The following SEPTIN14 variants were observed in gnomAD, a reference collection of about 807,000 sequenced individuals.
SEPTIN14 encodes the protein septin-14.
SEPTIN14 carries 40 observed loss-of-function variants against 53.6 expected under a neutral mutation model. The ratio of observed to expected loss-of-function variants is 0.75; its 90% CI spans 0.58 to 0.97. The LOEUF (loss-of-function observed/expected upper bound fraction) is 0.97. Ranked by LOEUF, SEPTIN14 falls within the 50% of genes least tolerant of loss-of-function variation. The pLI, the probability that SEPTIN14 is intolerant of heterozygous loss-of-function variation, is 0.00. For synonymous variants in SEPTIN14, 138 were observed against 166.8 expected, an observed-to-expected ratio of 0.83 and a Z score of 1.33; for missense variants, 471 against 508.2, an observed-to-expected ratio of 0.93 and a Z score of 0.70.
At position 55,843,010 on chromosome 7, in the gene SEPTIN14, A is replaced by G; in HGVS notation, c.490T>C (p.Phe164Leu). 1.3e-6 allele frequency: 2 copies of G among 1,581,514 alleles called. No individual in the cohort carries two copies. Among genetic ancestry groups the G allele is most frequent in the Non-Finnish European group, 1.7e-6 (2 of 1,163,316 alleles). ...AGGGAATGTCCTGTAGGTGAAATGAAGTAAAGACACACGTGGACGCGAGAA... is the reference window on the plus strand; with the variant it reads ...AGGGAATGTCCTGTAGGTGAAATGAGGTAAAGACACACGTGGACGCGAGAA... Reference protein sequence around the residue: ...HDSRVHVCLYFISPTGHSLKS... With the variant: ...HDSRVHVCLYLISPTGHSLKS... The change falls in exon 5 of 10, where the codon TTC (phenylalanine) becomes CTC (leucine). Residue 164 changes from phenylalanine to leucine, a missense_variant. By Grantham distance (22) the Phe-to-Leu change is conservative (BLOSUM62 0). Coordinates refer to ENST00000388975, the MANE Select transcript of SEPTIN14 (RefSeq NM_207366.3).
chr7:55,794,090 T>C lies in SEPTIN14; in HGVS notation c.*1823A>G, dbSNP rs752151744. The C allele has an allele frequency of 6.6e-6, 1 of 152,150 alleles. No individual in the cohort carries two copies. The highest frequency in any genetic ancestry group is 1.5e-5 in the Non-Finnish European group (1 of 68,006). The allele number at this position is 152,150 out of a possible 1,614,324, so 9.4% of individuals were successfully genotyped here. ...TGCCTTATAGTATCATATAATATCATGTTTTATAGCTCTTGGAAAATAGAA... is the reference window on the plus strand; with the variant it reads ...TGCCTTATAGTATCATATAATATCACGTTTTATAGCTCTTGGAAAATAGAA... On this transcript the variant is annotated 3_prime_UTR_variant, in exon 10 of 10. Transcript: ENST00000388975.
chr7:55,849,213 T>A (rs567919081), intron 2 of SEPTIN14, among the ~76,000 whole-genome samples: 1 of 150,952 alleles, frequency 6.6e-6, no homozygotes, highest in Admixed American at 6.6e-5. Flanking sequence ...TAATCCCAGC[T>A]ACTCGGGAGG....
At chr7:55,840,745 A>G (rs1789295906) in intron 5 of SEPTIN14, among the ~76,000 whole-genome samples, 1 of 152,178 alleles carries the variant, frequency 6.6e-6, no homozygotes, top group Admixed American at 6.6e-5. Flanking sequence ...TATTAACAGA[A>G]AAAGATAATT....
intron 4 of SEPTIN14, 49 bp from the exon 5 acceptor site, chr7:55,843,177 G>A: frequency 1.6e-6 from 2 of 1,242,706 alleles, no homozygotes; most frequent in Non-Finnish European, 2.2e-6. Flanking sequence ...AAAATCTAAA[G>A]CCTGCTTTTT....
chr7:55,803,266 T>C (rs2115956543), intron 9 of SEPTIN14, among the ~76,000 whole-genome samples: 1 of 152,074 alleles, frequency 6.6e-6, no homozygotes, highest in Admixed American at 6.6e-5. Context: ...AAAGAAGACA[T>C]AAAAGGCAAA....
rs1040591472 is a variant in SEPTIN14 at position 55,826,923 on chromosome 7, A to G, written c.720+7502T>C. Among the ~76,000 whole-genome samples the G allele has an allele frequency of 3.3e-5, 5 of 152,044 alleles. No individual in the cohort carries two copies. In the East Asian group the frequency reaches 9.7e-4, roughly 29 times the overall value. On this transcript the variant is annotated intron_variant, in intron 6 of 9. Transcript: ENST00000388975. The stretch of plus-strand genomic sequence containing the variant: ...TCTGCCCTGGCACTGCTGTCACTTT[A>G]GCATTCTGCAGTTGCCTGAGCATTC...
At chr7:55,804,818 G>T (rs1788587621) in intron 9 of SEPTIN14, among the ~76,000 whole-genome samples, 1 of 152,006 alleles carries the variant, frequency 6.6e-6, no homozygotes, top group African/African-American at 2.4e-5. Context: ...ATTAGAAATG[G>T]CATGGAATAA....
chr7:55,813,846 C>T (rs1037479595), intron 7 of SEPTIN14, among the ~76,000 whole-genome samples: 1 of 152,170 alleles, frequency 6.6e-6, no homozygotes, highest in African/African-American at 2.4e-5. Flanking sequence ...CCCAGCAGGA[C>T]TCACCACCTG....
At position 55,795,148 on chromosome 7, in the gene SEPTIN14, G is replaced by A. The variant is rs1220007610; in HGVS notation, c.*765C>T. On this transcript the variant is annotated 3_prime_UTR_variant, in exon 10 of 10. Coordinates refer to ENST00000388975, the MANE Select transcript of SEPTIN14 (RefSeq NM_207366.3). ...AACTGTCAAGAAATTATCAGTAGTA[G>A]AACTTAAAAAGGAAAATAGGCCTAT... The A allele has an allele frequency of 1.3e-5, 2 of 152,060 alleles. No homozygotes were observed. Among genetic ancestry groups the A allele is most frequent in the East Asian group, 3.8e-4 (2 of 5,196 alleles). 9.4% of individuals were successfully genotyped at this position (152,060 alleles called of 1,614,324 possible).
intron 2 of SEPTIN14, among the ~76,000 whole-genome samples, chr7:55,851,439 C>T (rs1483899600): frequency 6.7e-6 from 1 of 150,308 alleles, no homozygotes; most frequent in Non-Finnish European, 1.5e-5. Flanking sequence ...CTTAACAAAA[C>T]ATTACCAATC....
At chr7:55,827,712 A>G (rs1789015774) in intron 6 of SEPTIN14, among the ~76,000 whole-genome samples, 1 of 152,230 alleles carries the variant, frequency 6.6e-6, no homozygotes, top group South Asian at 2.1e-4. Context: ...AGACCAGCCT[A>G]TCACCTGAAA....
chr7:55,835,231 G>T (rs4948079), intron 5 of SEPTIN14, among the ~76,000 whole-genome samples: 1 of 151,734 alleles, frequency 6.6e-6, no homozygotes. Flanking sequence ...GACAGAGTCT[G>T]GCTCTGTTGC....
At chr7:55,838,390 T>A (rs898626622) in intron 5 of SEPTIN14, among the ~76,000 whole-genome samples, 11 of 152,276 alleles carry the variant, frequency 7.2e-5, no homozygotes, top group African/African-American at 2.4e-4. Context: ...TATTTCACAG[T>A]ATCATATAGT....
chr7:55,811,103 T>C, intron 7 of SEPTIN14: 1 of 464,750 alleles, frequency 2.2e-6, no homozygotes, highest in Non-Finnish European at 4.2e-6. Flanking sequence ...ATGTCAGGGG[T>C]GTTTGAATAG....
chr7:55,828,833 C>T (rs529012465), intron 6 of SEPTIN14, among the ~76,000 whole-genome samples: 1 of 152,082 alleles, frequency 6.6e-6, no homozygotes, highest in South Asian at 2.1e-4. Flanking sequence ...CAGGTATTTT[C>T]CGAGCTTCTC....
chr7:55,805,418 T>C (rs1473895257), intron 8 of SEPTIN14, 28 bp from the exon 9 acceptor site: 14 of 1,506,684 alleles, frequency 9.3e-6, no homozygotes, highest in Non-Finnish European at 1.3e-5. Flanking sequence ...CTTAGTCTTA[T>C]ATTAAAATGA....
At position 55,793,760 on chromosome 7, in the gene SEPTIN14, T is replaced by C. The variant is rs1210264492; in HGVS notation, c.*2153A>G. ...AGAATGTTATAACTCCAGGATGTTA[T>C]ATGTAATTTTCATAGTAACCAAAAA... On this transcript the variant is annotated 3_prime_UTR_variant, in exon 10 of 10. Transcript: ENST00000388975. 1 of 152,136 alleles carries C rather than the reference T, an allele frequency of 6.6e-6. No individual in the cohort carries two copies. Among genetic ancestry groups the C allele is most frequent in the Non-Finnish European group, 1.5e-5 (1 of 67,998 alleles). 9.4% of individuals were successfully genotyped at this position (152,136 alleles called of 1,614,324 possible).
chr7:55,840,968 C>T (rs556410599), intron 5 of SEPTIN14, among the ~76,000 whole-genome samples: 3 of 152,176 alleles, frequency 2.0e-5, no homozygotes, highest in Non-Finnish European at 4.4e-5. Context: ...GGCGCAATCT[C>T]GGCTCACTGC....
At chr7:55,804,549 G>A (rs1480971372) in intron 9 of SEPTIN14, among the ~76,000 whole-genome samples, 7 of 151,994 alleles carry the variant, frequency 4.6e-5, no homozygotes, top group African/African-American at 1.2e-4. Flanking sequence ...GTGAGCCACC[G>A]CACCCGGCTG....
Sources: gnomAD v4.1 joint callset for allele counts (sites outside exome capture counted in the v4.1 genomes callset) on GRCh38, gnomAD v4.1.1 for gene constraint, MANE v1.5 for transcripts, NCBI Gene and HGNC (gene_info 2026-07-23, HGNC 2026-07-21) for gene names.